The following EDAR variants were observed in gnomAD, a reference collection of about 807,000 sequenced individuals.
EDAR encodes tumor necrosis factor receptor superfamily member EDAR.
EDAR carries 38 observed loss-of-function variants against 51.3 expected under a neutral mutation model. That is an observed-to-expected ratio of 0.74 (90% CI 0.57 to 0.97). The LOEUF is 0.97. Among genes scored for constraint, EDAR ranks in the 50% least tolerant of loss-of-function variants. The pLI is 0.00. For synonymous variants in EDAR, 227 were observed against 242.1 expected, an observed-to-expected ratio of 0.94 and a Z score of 0.58; for missense variants, 528 against 595.0, an observed-to-expected ratio of 0.89 and a Z score of 1.17.
chr2:108,961,656 T>C (rs970965481), intron 1 of EDAR, among the ~76,000 whole-genome samples: 5 of 152,236 alleles, frequency 3.3e-5, no homozygotes, highest in African/African-American at 7.2e-5. Context: ...TGAAACTCTA[T>C]GGTCAGAACA....
chr2:108,930,244 T>C lies in EDAR; in HGVS notation c.52-2A>G, dbSNP rs1697341141. 2 of 1,614,062 alleles carry C rather than the reference T, an allele frequency of 1.2e-6. No homozygotes were observed. Among genetic ancestry groups the C allele is most frequent in the Non-Finnish European group, 1.7e-6 (2 of 1,180,006 alleles). ...TCGGGCTGAGCACATCAGAGACACC[T>C]GCCAACAAAGGGGGGTGTTGTGGCC... On this transcript the variant is annotated splice_acceptor_variant, in intron 2 of 11. Transcript: ENST00000258443. LOFTEE classifies it high-confidence loss of function.
At chr2:108,959,728 T>A (rs957000622) in intron 1 of EDAR, among the ~76,000 whole-genome samples, 3 of 152,190 alleles carry the variant, frequency 2.0e-5, no homozygotes, top group Admixed American at 1.3e-4. Flanking sequence ...CCCCAGCGTA[T>A]GAGAGCCAAA....
chr2:108,900,239 T>C (rs542548755), intron 11 of EDAR, among the ~76,000 whole-genome samples: 129 of 152,256 alleles, frequency 8.5e-4, no homozygotes, highest in African/African-American at 3.0e-3. Flanking sequence ...TAACAATGAC[T>C]ACATTTAATG....
intron 1 of EDAR, among the ~76,000 whole-genome samples, chr2:108,982,399 T>C (rs991584284): frequency 9.2e-5 from 14 of 152,240 alleles, no homozygotes; most frequent in African/African-American, 3.4e-4. Flanking sequence ...CTTTAACTGA[T>C]GCCGTGGGAG....
At chr2:108,942,948 T>C (rs1477011050) in intron 1 of EDAR, among the ~76,000 whole-genome samples, 2 of 152,364 alleles carry the variant, frequency 1.3e-5, no homozygotes, top group Non-Finnish European at 1.5e-5. Flanking sequence ...GATTAGACCA[T>C]GCCTTCCCGG....
At position 108,897,081 on chromosome 2, in the gene EDAR, C is replaced by T; in HGVS notation, c.1173G>A (p.Met391Ile). ...FGLKRDEIGGMTDGMQLFDRI... is the reference protein window; with the variant it reads ...FGLKRDEIGGITDGMQLFDRI... ...GGTCAAAGAGTTGCATGCCGTCTGT[C>T]ATGCCCCCAATCTCATCCCTCTTCA... The change falls in exon 12 of 12, where the codon ATG becomes ATA. Residue 391 changes from methionine (M) to isoleucine (I), a missense_variant. Physicochemically the swap from Met to Ile is conservative, Grantham distance 10 (BLOSUM62 1). Coordinates refer to ENST00000258443, the MANE Select transcript of EDAR (RefSeq NM_022336.4). 6.2e-7 allele frequency: 1 copy of T among 1,614,208 alleles called. No homozygotes were observed. The highest frequency in any genetic ancestry group is 8.5e-7 in the Non-Finnish European group (1 of 1,180,046).
chr2:108,953,878 AG>A (rs1697870726), intron 1 of EDAR, among the ~76,000 whole-genome samples: 1 of 152,234 alleles, frequency 6.6e-6, no homozygotes, highest in African/African-American at 2.4e-5. Flanking sequence ...TGAACCAGAC[AG>A]GTCAGAGGGA....
chr2:108,951,876 C>T (rs1291125558), intron 1 of EDAR, among the ~76,000 whole-genome samples: 1 of 152,144 alleles, frequency 6.6e-6, no homozygotes, highest in South Asian at 2.1e-4. Flanking sequence ...ATGATCTTCC[C>T]AAGGTCTCTT....
intron 5 of EDAR, among the ~76,000 whole-genome samples, chr2:108,918,596 C>T (rs17037103): frequency 6.6e-6 from 1 of 152,156 alleles, no homozygotes; most frequent in African/African-American, 2.4e-5. Context: ...TGAGCGGGGA[C>T]TGGTTCTGCC....
intron 2 of EDAR, among the ~76,000 whole-genome samples, chr2:108,930,533 C>G (rs1335770644): frequency 6.6e-6 from 1 of 152,188 alleles, no homozygotes; most frequent in African/African-American, 2.4e-5. Flanking sequence ...CATCAACGCA[C>G]TTGCCAAGGT....
At chr2:108,956,338 G>A (rs1361112222) in intron 1 of EDAR, among the ~76,000 whole-genome samples, 1 of 152,230 alleles carries the variant, frequency 6.6e-6, no homozygotes, top group Non-Finnish European at 1.5e-5. Flanking sequence ...TATGATGCCT[G>A]TAGAGGTGTC....
chr2:108,939,270 T>C (rs1325188533), intron 1 of EDAR, among the ~76,000 whole-genome samples: 1 of 152,120 alleles, frequency 6.6e-6, no homozygotes, highest in African/African-American at 2.4e-5. Flanking sequence ...CTCCGCAACC[T>C]CCGCCTCCCA....
chr2:108,933,847 G>A (rs765506932), intron 1 of EDAR, among the ~76,000 whole-genome samples: 7 of 152,024 alleles, frequency 4.6e-5, no homozygotes, highest in Admixed American at 2.6e-4. Flanking sequence ...GGCCTGAAGG[G>A]GAACTGATAG....
chr2:108,897,183 G>T lies in EDAR; in HGVS notation c.1071C>A (p.Ser357Arg). 1 of 1,613,800 alleles carries T rather than the reference G, an allele frequency of 6.2e-7. No individual in the cohort carries two copies. Among genetic ancestry groups the T allele is most frequent in the Non-Finnish European group, 8.5e-7 (1 of 1,180,036 alleles). The change falls in exon 12 of 12, where the codon AGC becomes AGA. Residue 357 changes from serine (S) to arginine (R), a missense_variant. Coordinates refer to ENST00000258443, the MANE Select transcript of EDAR (RefSeq NM_022336.4). The part of the protein sequence containing the change: ...ELPFDCLEKT[S>R]RMLSSTYNSE... ...AGTTGTACGTGGAGCTGAGCATTCG[G>T]CTAGTCTTCTCGAGGCAATCAAATG...
chr2:108,928,645 T>C (rs1206221273), intron 4 of EDAR, among the ~76,000 whole-genome samples: 2 of 152,194 alleles, frequency 1.3e-5, no homozygotes, highest in African/African-American at 2.4e-5. Flanking sequence ...TGAGAGTCTG[T>C]ATTTTCCTGG....
At chr2:108,966,641 G>A (rs1698155489) in intron 1 of EDAR, among the ~76,000 whole-genome samples, 1 of 152,212 alleles carries the variant, frequency 6.6e-6, no homozygotes, top group African/African-American at 2.4e-5. Flanking sequence ...ACTGTCTTCA[G>A]GAACACTACT....
chr2:108,925,079 G>A (rs1008048810), intron 4 of EDAR, among the ~76,000 whole-genome samples: 2 of 152,188 alleles, frequency 1.3e-5, no homozygotes, highest in Non-Finnish European at 2.9e-5. Flanking sequence ...TCCCACCTAG[G>A]GGGATTGGTC....
intron 1 of EDAR, among the ~76,000 whole-genome samples, chr2:108,953,668 G>A (rs920472374): frequency 2.0e-5 from 3 of 152,010 alleles, no homozygotes; most frequent in Admixed American, 6.6e-5. Context: ...TGTCATTGTC[G>A]GATGGATGTG....
intron 11 of EDAR, among the ~76,000 whole-genome samples, chr2:108,902,904 C>T (rs960857608): frequency 1.3e-5 from 2 of 151,802 alleles, no homozygotes; most frequent in Non-Finnish European, 1.5e-5. Context: ...ATAGCCAGTG[C>T]AATAAAATGA....
Sources: gnomAD v4.1 joint callset for allele counts (sites outside exome capture counted in the v4.1 genomes callset) on GRCh38, gnomAD v4.1.1 for gene constraint, MANE v1.5 for transcripts, NCBI Gene and HGNC (gene_info 2026-07-23, HGNC 2026-07-21) for gene names.